MCTP1: variants seen among roughly 807,000 people sequenced by gnomAD.
MCTP1 encodes multiple C2 and transmembrane domain containing 1, also known as multiple C2 and transmembrane domain-containing protein 1.
In MCTP1, 69 loss-of-function variants were observed where a neutral mutation model predicts 120.6. That is an observed-to-expected ratio of 0.57 (90% CI 0.47 to 0.70). MCTP1 has a LOEUF of 0.70. MCTP1 is among the 30% of genes least tolerant of loss of function. The probability of loss-of-function intolerance (pLI) is 0.00; values close to 1 mark genes in which losing one functional copy is unlikely to be tolerated. For synonymous variants in MCTP1, 529 were observed against 493.1 expected, an observed-to-expected ratio of 1.07 and a Z score of -0.96; for missense variants, 1,203 against 1,248.8, an observed-to-expected ratio of 0.96 and a Z score of 0.55.
chr5:95,256,738 G>A (rs1305215736), intron 1 of MCTP1, among the ~76,000 whole-genome samples: 1 of 152,092 alleles, frequency 6.6e-6, no homozygotes, highest in African/African-American at 2.4e-5. Flanking sequence ...AAAAGAGAGA[G>A]AGGAAAGAGA....
Position 95,207,981 on chromosome 5 carries a change from G to GAGAGAGAGAA in MCTP1, c.720+75865_720+75874dup, listed in dbSNP as rs1562238113. Among the ~76,000 whole-genome samples the GAGAGAGAGAA allele has an allele frequency of 5.2e-4, 52 of 99,478 alleles. No homozygotes were observed. In the South Asian group the frequency reaches 0.015, roughly 28 times the overall value. 65.3% of individuals were successfully genotyped at this position (99,478 alleles called of 152,430 possible). A position where few individuals can be genotyped will look rare whatever the true frequency, so the allele number is the denominator to read the frequency against. ...AGGGAGAGAGAGGGAGAGAGAGGGA[G>GAGAGAGAGAA]AGAGAGAGAAAGAGAGGGAGAGAGA... On this transcript the variant is annotated intron_variant, in intron 1 of 22. Transcript: ENST00000515393.
intron 1 of MCTP1, among the ~76,000 whole-genome samples, chr5:95,022,482 G>A (rs1838387968): frequency 6.6e-6 from 1 of 152,030 alleles, no homozygotes; most frequent in South Asian, 2.1e-4. Flanking sequence ...TATCTCAAAT[G>A]TCATATTTGT....
At chr5:95,076,785 C>T (rs142297133) in intron 1 of MCTP1, among the ~76,000 whole-genome samples, 186 of 152,242 alleles carry the variant, frequency 1.2e-3, no homozygotes, top group African/African-American at 4.1e-3. Context: ...AAAATCTATA[C>T]GATAATTGGT....
chr5:95,171,137 CTG>C (rs1261918815), intron 1 of MCTP1, among the ~76,000 whole-genome samples: 2 of 152,142 alleles, frequency 1.3e-5, no homozygotes, highest in Non-Finnish European at 2.9e-5. Context: ...ATTTGCTTCT[CTG>C]TAAAGGATTA....
At chr5:94,732,103 GT>G in intron 19 of MCTP1, among the ~76,000 whole-genome samples, 1 of 152,256 alleles carries the variant, frequency 6.6e-6, no homozygotes, top group Non-Finnish European at 1.5e-5. Flanking sequence ...TTTAAACATG[GT>G]TTTAAGAAAT....
At chr5:95,250,611 T>C (rs1456994700) in intron 1 of MCTP1, among the ~76,000 whole-genome samples, 1 of 152,204 alleles carries the variant, frequency 6.6e-6, no homozygotes, top group African/African-American at 2.4e-5. Context: ...AAGCCAGTTA[T>C]TTAACTTTTG....
intron 19 of MCTP1, among the ~76,000 whole-genome samples, chr5:94,753,091 C>T (rs1392096168): frequency 6.6e-6 from 1 of 152,168 alleles, no homozygotes; most frequent in Non-Finnish European, 1.5e-5. Context: ...CTCTCAGGTC[C>T]TAATTACCCT....
At chr5:95,195,134 C>T (rs575055879) in intron 1 of MCTP1, among the ~76,000 whole-genome samples, 1 of 152,174 alleles carries the variant, frequency 6.6e-6, no homozygotes, top group Non-Finnish European at 1.5e-5. Flanking sequence ...TCATACACCG[C>T]ACATCCTAGA....
chr5:94,865,065 A>C (rs1269796500), intron 17 of MCTP1, among the ~76,000 whole-genome samples: 1 of 151,864 alleles, frequency 6.6e-6, no homozygotes, highest in Admixed American at 6.6e-5. Flanking sequence ...TTTAAAACCG[A>C]ATGCATTGCA....
In MCTP1 at chr5:94,779,100, A is replaced by AGAT. The variant is rs1369890080; in HGVS notation, c.2610+7_2610+9dup. On this transcript the variant is annotated intron_variant, in intron 19 of 22. Coordinates refer to ENST00000515393, the MANE Select transcript of MCTP1 (RefSeq NM_024717.7). Reference sequence around the variant, plus strand: ...TCCCCAGGTACCCAAGTGCTGGGAAAGATAATTACCTTGTCATCTTTGTCA... The same window carrying AGAT: ...TCCCCAGGTACCCAAGTGCTGGGAAAGATGATAATTACCTTGTCATCTTTGTCA... The AGAT allele has an allele frequency of 6.2e-7, 1 of 1,611,670 alleles. No homozygotes were observed. Among genetic ancestry groups the AGAT allele is most frequent in the Non-Finnish European group, 8.5e-7 (1 of 1,177,892 alleles).
intron 1 of MCTP1, among the ~76,000 whole-genome samples, chr5:95,042,190 A>G (rs756556167): frequency 4.6e-5 from 7 of 152,146 alleles, no homozygotes; most frequent in Middle Eastern, 3.2e-3. Context: ...TGTTTTTCCA[A>G]TGCCGGTAAG....
At chr5:94,965,245 T>C (rs1217640261) in intron 2 of MCTP1, among the ~76,000 whole-genome samples, 2 of 152,178 alleles carry the variant, frequency 1.3e-5, no homozygotes, top group Non-Finnish European at 2.9e-5. Flanking sequence ...CATTTTTTTC[T>C]CTTTCTGCTG....
At chr5:94,880,927 A>G (rs1799918939) in intron 12 of MCTP1, among the ~76,000 whole-genome samples, 1 of 152,172 alleles carries the variant, frequency 6.6e-6, no homozygotes, top group Non-Finnish European at 1.5e-5. Context: ...TACAGCATCT[A>G]TCACATAGGG....
At chr5:94,956,394 A>G (rs1386533341) in intron 2 of MCTP1, among the ~76,000 whole-genome samples, 1 of 152,186 alleles carries the variant, frequency 6.6e-6, no homozygotes, top group African/African-American at 2.4e-5. Context: ...CAGCAAGGGA[A>G]CAAAACTGGA....
chr5:95,218,875 T>C (rs1753340968), intron 1 of MCTP1, among the ~76,000 whole-genome samples: 1 of 152,186 alleles, frequency 6.6e-6, no homozygotes, highest in African/African-American at 2.4e-5. Flanking sequence ...ACCATTTGTG[T>C]ATCTAAACAT....
At chr5:94,721,852 T>TC (rs1398827134) in intron 19 of MCTP1, among the ~76,000 whole-genome samples, 1 of 150,912 alleles carries the variant, frequency 6.6e-6, no homozygotes, top group Non-Finnish European at 1.5e-5. Context: ...TTGTTTTTTT[T>TC]TTTTTAATGC....
chr5:94,814,840 T>C (rs1784170377), intron 17 of MCTP1, among the ~76,000 whole-genome samples: 1 of 152,196 alleles, frequency 6.6e-6, no homozygotes, highest in African/African-American at 2.4e-5. Flanking sequence ...TTCTCTGCCC[T>C]GAAGAAAGCA....
rs180745260 is a variant in MCTP1, at chr5:94,894,489, C to T, written c.1839+160G>A. 9.9e-5 allele frequency among the ~76,000 whole-genome samples: 15 copies of T among 152,262 alleles called. No homozygotes were observed. In the East Asian group the frequency reaches 2.5e-3, roughly 25 times the overall value. ...ACATGGGTGGGTAATGCAAATACTT[C>T]GGCAAAGGTCTGTGTGGCATTTGTT... On this transcript the variant is annotated intron_variant, in intron 11 of 22. Transcript: ENST00000515393.
At chr5:95,021,832 C>T (rs977790948) in intron 1 of MCTP1, among the ~76,000 whole-genome samples, 19 of 151,970 alleles carry the variant, frequency 1.3e-4, no homozygotes, top group Non-Finnish European at 2.6e-4. Context: ...GTGAACATTT[C>T]TGAATTAGAT....
Sources: allele counts gnomAD v4.1 joint callset (sites outside exome capture counted in the v4.1 genomes callset), GRCh38; gene constraint gnomAD v4.1.1; transcripts MANE v1.5; gene names NCBI Gene and HGNC (gene_info 2026-07-23, HGNC 2026-07-21).